The following SYNPR variants were observed in gnomAD, a reference collection of about 807,000 sequenced individuals.
The protein encoded by SYNPR is synaptoporin.
In SYNPR, 23 loss-of-function variants were observed where a neutral mutation model predicts 32.9. That is an observed-to-expected ratio of 0.70 (90% CI 0.50 to 0.99). SYNPR has a LOEUF of 0.99. SYNPR is among the 50% of genes least tolerant of loss of function. The pLI, the probability that SYNPR is intolerant of heterozygous loss-of-function variation, is 0.00. For synonymous variants in SYNPR, 146 were observed against 135.9 expected (o/e 1.07, Z -0.52); for missense variants, 318 against 349.3 (o/e 0.91, Z 0.71).
chr3:63,467,157 C>T lies in SYNPR; in HGVS notation c.85-13675C>T, dbSNP rs569762277. Among the ~76,000 whole-genome samples the T allele has an allele frequency of 1.1e-4, 17 of 152,216 alleles. No homozygotes were observed. The East Asian group carries it at 3.3e-3, about 29-fold the overall frequency. ...TCCCAAGTAGTTGGGACTACAGGCG[C>T]ATGCCACCCAGCTGAGCTAACTTAC... is the stretch of plus-strand genomic sequence containing the variant. On this transcript the variant is annotated intron_variant, in intron 2 of 5. Coordinates refer to ENST00000478300, the MANE Select transcript of SYNPR (RefSeq NM_001130003.2).
intron 2 of SYNPR, among the ~76,000 whole-genome samples, chr3:63,389,449 A>C (rs1279988173): frequency 6.6e-6 from 1 of 152,214 alleles, no homozygotes; most frequent in African/African-American, 2.4e-5. Context: ...AGTTCTGAGC[A>C]GAAAGGTGTC....
intron 3 of SYNPR, among the ~76,000 whole-genome samples, chr3:63,513,679 G>A (rs1701739090): frequency 6.6e-6 from 1 of 152,038 alleles, no homozygotes; most frequent in African/African-American, 2.4e-5. Flanking sequence ...GTTGAATTGT[G>A]CCTCCCAAAA....
chr3:63,445,558 C>A lies in SYNPR; in HGVS notation c.85-35274C>A, dbSNP rs1700261069. On this transcript the variant is annotated intron_variant, in intron 2 of 5. Coordinates refer to ENST00000478300, the MANE Select transcript of SYNPR (RefSeq NM_001130003.2). ...CTTCTTTTTAGCATAATGAAGAATGCAAGAGTCATTTCCATTTAGTAAGTA... is the reference window on the plus strand; with the variant it reads ...CTTCTTTTTAGCATAATGAAGAATGAAAGAGTCATTTCCATTTAGTAAGTA... 5.7e-6 allele frequency: 4 copies of A among 701,058 alleles called. No homozygotes were observed. The East Asian group carries it at 1.1e-4, about 19-fold the overall frequency. 43.4% of individuals were successfully genotyped at this position (701,058 alleles called of 1,614,324 possible).
At chr3:63,298,658 C>T (rs911697593) in intron 2 of SYNPR, among the ~76,000 whole-genome samples, 1 of 152,112 alleles carries the variant, frequency 6.6e-6, no homozygotes, top group African/African-American at 2.4e-5. Flanking sequence ...TGGAAGTTAA[C>T]TCCTGTTTTA....
At chr3:63,295,218 G>A (rs1285711190) in intron 2 of SYNPR, among the ~76,000 whole-genome samples, 2 of 152,130 alleles carry the variant, frequency 1.3e-5, no homozygotes, top group South Asian at 2.1e-4. Flanking sequence ...TGATAAAGCA[G>A]TTGTTAACAT....
chr3:63,507,695 A>G (rs1303110558), intron 3 of SYNPR, among the ~76,000 whole-genome samples: 1 of 152,230 alleles, frequency 6.6e-6, no homozygotes, highest in Non-Finnish European at 1.5e-5. Flanking sequence ...AGTTAAAAAT[A>G]TTGTGGGACA....
intron 2 of SYNPR, among the ~76,000 whole-genome samples, chr3:63,328,840 C>T (rs1037270841): frequency 6.6e-6 from 1 of 152,114 alleles, no homozygotes; most frequent in African/African-American, 2.4e-5. Context: ...TTTTCTTCTA[C>T]CTTTTATTGA....
chr3:63,325,484 C>A (rs1201149928), intron 2 of SYNPR, among the ~76,000 whole-genome samples: 1 of 152,080 alleles, frequency 6.6e-6, no homozygotes, highest in East Asian at 1.9e-4. Flanking sequence ...CCAATTTATT[C>A]CCCCTTTCTA....
chr3:63,354,183 G>A (rs2087545722), intron 2 of SYNPR, among the ~76,000 whole-genome samples: 1 of 152,148 alleles, frequency 6.6e-6, no homozygotes, highest in Non-Finnish European at 1.5e-5. Context: ...TTAAAATTCA[G>A]AACATCAAAA....
chr3:63,554,698 T>C (rs2106825653), intron 3 of SYNPR, among the ~76,000 whole-genome samples: 1 of 151,712 alleles, frequency 6.6e-6, no homozygotes, highest in African/African-American at 2.4e-5. Flanking sequence ...TCAGGCTCTT[T>C]TTTTGGGTTC....
chr3:63,572,930 G>A (rs1702914248), intron 4 of SYNPR, among the ~76,000 whole-genome samples: 1 of 152,118 alleles, frequency 6.6e-6, no homozygotes, highest in Non-Finnish European at 1.5e-5. Context: ...TTGTGTGTGT[G>A]TGTGTGATTT....
At chr3:63,471,411 T>G (rs991729498) in intron 2 of SYNPR, among the ~76,000 whole-genome samples, 22 of 152,350 alleles carry the variant, frequency 1.4e-4, no homozygotes, top group African/African-American at 5.3e-4. Context: ...AAAAGCCTTC[T>G]GGGTCAAAGT....
intron 2 of SYNPR, among the ~76,000 whole-genome samples, chr3:63,289,869 G>A (rs538359999): frequency 2.0e-5 from 3 of 152,218 alleles, no homozygotes; most frequent in South Asian, 2.1e-4. Context: ...GGTGTCTCAC[G>A]CCTGTAATCC....
chr3:63,269,359 G>A (rs1316186091), intron 3 of SYNPR, among the ~76,000 whole-genome samples: 1 of 152,020 alleles, frequency 6.6e-6, no homozygotes, highest in African/African-American at 2.4e-5. Context: ...CGTGGTGGTA[G>A]GCACCTATAA....
chr3:63,476,189 G>GAGGTAAGCA (rs1700908959), intron 2 of SYNPR, among the ~76,000 whole-genome samples: 1 of 45,918 alleles, frequency 2.2e-5, no homozygotes, highest in African/African-American at 8.3e-5. Flanking sequence ...GAAGGGAAGG[G>GAGGTAAGCA]AGGGAAGCAA....
At chr3:63,576,801 AAAAG>A (rs1339172279) in intron 4 of SYNPR, among the ~76,000 whole-genome samples, 2 of 151,458 alleles carry the variant, frequency 1.3e-5, no homozygotes, top group African/African-American at 2.4e-5. Flanking sequence ...AAAAAAAAAA[AAAAG>A]AAAGAAAGAA....
intron 2 of SYNPR, among the ~76,000 whole-genome samples, chr3:63,438,550 GATATTA>G (rs1553636181): frequency 6.6e-6 from 1 of 152,082 alleles, no homozygotes; most frequent in Non-Finnish European, 1.5e-5. Flanking sequence ...ATCTTCAAGT[GATATTA>G]ATATTATTTT....
chr3:63,302,960 A>G (rs1279249607), intron 2 of SYNPR, among the ~76,000 whole-genome samples: 1 of 151,996 alleles, frequency 6.6e-6, no homozygotes, highest in East Asian at 1.9e-4. Flanking sequence ...TGGATATCCC[A>G]AATATACTGA....
intron 1 of SYNPR, chr3:63,252,413 T>C (rs1204388868): frequency 6.6e-6 from 1 of 152,196 alleles, no homozygotes; most frequent in African/African-American, 2.4e-5. Flanking sequence ...AATTTCAGAA[T>C]AAAGGATGAA....
Sources: gnomAD v4.1 joint callset for allele counts (sites outside exome capture counted in the v4.1 genomes callset) on GRCh38, gnomAD v4.1.1 for gene constraint, MANE v1.5 for transcripts, NCBI Gene and HGNC (gene_info 2026-07-23, HGNC 2026-07-21) for gene names.